KCNA6: variants seen among roughly 807,000 people sequenced by gnomAD.
KCNA6 encodes human brain potassium channel-2.
Under a neutral mutation model 29.5 loss-of-function variants are expected in KCNA6, and 17 were observed. The ratio of observed to expected loss-of-function variants is 0.58; its 90% CI spans 0.39 to 0.86. The LOEUF is 0.86. KCNA6 is among the 40% of genes least tolerant of loss of function. KCNA6 has a pLI of 0.00. For synonymous variants in KCNA6, 296 were observed against 304.7 expected (o/e 0.97, Z 0.30); for missense variants, 450 against 703.4 (o/e 0.64, Z 4.07).
At chr12:4,847,008 T>C in the KCNA6 span, among the ~76,000 whole-genome samples, 6 of 151,538 alleles carry the variant, frequency 4.0e-5, no homozygotes, top group Non-Finnish European at 5.9e-5. Context: ...ATGGTCTCGA[T>C]CTCCTAACCT....
the KCNA6 span, among the ~76,000 whole-genome samples, chr12:4,821,414 TTGGATG>T: frequency 7.1e-6 from 1 of 140,118 alleles, no homozygotes; most frequent in Non-Finnish European, 1.6e-5. Context: ...CTCTACTCAC[TTGGATG>T]TGTGTGTGTG....
chr12:4,848,253 A>C, the KCNA6 span, among the ~76,000 whole-genome samples: 104,135 of 151,286 alleles, frequency 0.69, 36,593 homozygotes, highest in African/African-American at 0.76. Context: ...GCTTCTGTCA[A>C]CTGACACCCT....
chr12:4,811,196 C>T lies in KCNA6; in HGVS notation c.1155C>T (p.Ile385=), dbSNP rs770615249. The T allele has an allele frequency of 9.3e-6, 15 of 1,614,118 alleles. No homozygotes were observed. In the South Asian group the frequency reaches 1.4e-4, roughly 15 times the overall value. ...GGCTGCTCATCTTCTTCCTCTTCAT[C>T]GGGGTCATCCTCTTCTCCAGTGCCG... The change falls in exon 1 of 1, where the codon ATC becomes ATT. Residue 385 remains isoleucine (I), a synonymous_variant. Transcript: ENST00000280684. This position sits in a 1 kb window ranked among gnomAD's most constrained non-coding sequence, Gnocchi z 7.1.
the KCNA6 span, among the ~76,000 whole-genome samples, chr12:4,836,138 C>T: frequency 1.4e-5 from 2 of 146,942 alleles, no homozygotes; most frequent in Non-Finnish European, 3.0e-5. Flanking sequence ...TTAGTAGAGA[C>T]GGGCTTTCAC....
At position 4,810,051 on chromosome 12, in the gene KCNA6, G is replaced by C. The variant is rs886517973; in HGVS notation, c.10G>C (p.Glu4Gln). 6.5e-7 allele frequency: 1 copy of C among 1,536,674 alleles called. No homozygotes were observed. The highest frequency in any genetic ancestry group is 8.7e-7 in the Non-Finnish European group (1 of 1,145,146). The change falls in exon 1 of 1, where the codon GAG becomes CAG. Residue 4 changes from glutamate to glutamine, a missense_variant. By Grantham distance (29) the Glu-to-Gln change is conservative. Coordinates refer to ENST00000280684, the Ensembl canonical transcript of KCNA6. The surrounding 1 kb of genome is among the most constrained non-coding windows in gnomAD (Gnocchi z 7.5). ...GCACCTCCGAGGGGGCATGAGATCG[G>C]AGAAATCCCTTACGCTGGCGGCGCC...
At chr12:4,827,265 G>A in the KCNA6 span, among the ~76,000 whole-genome samples, 6 of 90,942 alleles carry the variant, frequency 6.6e-5, no homozygotes, top group South Asian at 4.0e-4. Context: ...CCTTTCTCTC[G>A]CCCTTCCCTC....
At chr12:4,824,628 A>T in the KCNA6 span, among the ~76,000 whole-genome samples, 2 of 152,162 alleles carry the variant, frequency 1.3e-5, no homozygotes, top group African/African-American at 4.8e-5. Flanking sequence ...ATCCACAGAG[A>T]GGTTGAATGA....
chr12:4,832,135 C>A, the KCNA6 span, among the ~76,000 whole-genome samples: 1 of 152,052 alleles, frequency 6.6e-6, no homozygotes, highest in African/African-American at 2.4e-5. Flanking sequence ...GAACAGGGGC[C>A]TTTCTTTTGC....
the KCNA6 span, among the ~76,000 whole-genome samples, chr12:4,846,927 C>T: frequency 4.0e-5 from 6 of 151,742 alleles, no homozygotes; most frequent in Admixed American, 6.6e-5. Flanking sequence ...TACAGGCGCC[C>T]GCCACCACGC....
the KCNA6 span, among the ~76,000 whole-genome samples, chr12:4,836,132 T>C: frequency 6.7e-6 from 1 of 149,470 alleles, no homozygotes. Context: ...GTATTTTTAG[T>C]AGAGACGGGC....
the KCNA6 span, among the ~76,000 whole-genome samples, chr12:4,846,894 T>C: frequency 6.7e-6 from 1 of 148,444 alleles, no homozygotes; most frequent in African/African-American, 2.5e-5. Context: ...TTCTCCTCCC[T>C]CAGCCTCCCA....
chr12:4,850,673 C>T, the KCNA6 span: 1 of 375,852 alleles, frequency 2.7e-6, no homozygotes, highest in Non-Finnish European at 5.5e-6. This position sits in a 1 kb window ranked among gnomAD's most constrained non-coding sequence, Gnocchi z 5.4. Flanking sequence ...TCAGTTCCAT[C>T]CCTCATGCGA....
downstream of KCNA6, among the ~76,000 whole-genome samples, chr12:4,817,202 TA>T (rs1946690898): frequency 6.6e-6 from 1 of 152,186 alleles, no homozygotes. Context: ...TTCCATTTAC[TA>T]GGTGGTAGGA....
At chr12:4,840,315 G>A in the KCNA6 span, among the ~76,000 whole-genome samples, 2 of 152,162 alleles carry the variant, frequency 1.3e-5, no homozygotes, top group African/African-American at 2.4e-5. Context: ...CCAACAAAAA[G>A]TGGGCAAAAG....
chr12:4,816,249 GGTGTGTGTGTGTGTGTGTGT>G (rs59638657), downstream of KCNA6, among the ~76,000 whole-genome samples: 6 of 142,640 alleles, frequency 4.2e-5, no homozygotes, highest in African/African-American at 1.0e-4. Context: ...ACCACGAACT[GGTGTGTGTGTGTGTGTGTGT>G]GTGTGTGTGT....
the KCNA6 span, among the ~76,000 whole-genome samples, chr12:4,833,210 A>G: frequency 2.0e-5 from 3 of 152,168 alleles, no homozygotes; most frequent in Non-Finnish European, 4.4e-5. Flanking sequence ...ATTACTTTAT[A>G]GCTCCCAATT....
At chr12:4,839,849 AG>A in the KCNA6 span, among the ~76,000 whole-genome samples, 5 of 152,330 alleles carry the variant, frequency 3.3e-5, no homozygotes, top group African/African-American at 1.2e-4. Flanking sequence ...CATTTATCAG[AG>A]GAGGCCACCA....
the KCNA6 span, chr12:4,839,500 C>T: frequency 2.0e-5 from 3 of 152,188 alleles, no homozygotes; most frequent in Non-Finnish European, 4.4e-5. Flanking sequence ...AGCAAGGCTT[C>T]TAGTCGACAG....
the KCNA6 span, among the ~76,000 whole-genome samples, chr12:4,831,568 AGCTCC>A: frequency 6.6e-6 from 1 of 152,176 alleles, no homozygotes; most frequent in Non-Finnish European, 1.5e-5. Flanking sequence ...TCCATCCTCC[AGCTCC>A]GCTTTCTCCT....
Sources: gnomAD v4.1 joint callset for allele counts (sites outside exome capture counted in the v4.1 genomes callset) on GRCh38, gnomAD v4.1.1 for gene constraint, Gnocchi (gnomAD v3.1) non-coding constraint, MANE v1.5 for transcripts, NCBI Gene and HGNC (gene_info 2026-07-23, HGNC 2026-07-21) for gene names.